NRXN1: variants seen among roughly 807,000 people sequenced by gnomAD.
NRXN1 encodes the protein neurexin 1, also known as neurexin-1.
In NRXN1, 39 loss-of-function variants were observed where a neutral mutation model predicts 150.9. The ratio of observed to expected loss-of-function variants is 0.26; its 90% CI spans 0.20 to 0.34. The LOEUF (loss-of-function observed/expected upper bound fraction) is 0.34. Ranked by LOEUF, NRXN1 falls within the 10% of genes least tolerant of loss-of-function variation. The pLI is 1.00. For synonymous variants in NRXN1, 924 were observed against 757.0 expected, an observed-to-expected ratio of 1.22 and a Z score of -3.62; for missense variants, 1,815 against 1,949.9, an observed-to-expected ratio of 0.93 and a Z score of 1.30.
chr2:50,595,713 G>C (rs1675088919), intron 8 of NRXN1, among the ~76,000 whole-genome samples: 3 of 152,178 alleles, frequency 2.0e-5, no homozygotes, highest in East Asian at 1.9e-4. Context: ...TTCTGCCATA[G>C]AAAGGGAGAA....
In NRXN1 at chr2:50,347,901, C is replaced by G; in HGVS notation, c.3365-110931G>C. 1 of 927,970 alleles carries G rather than the reference C, an allele frequency of 1.1e-6. No individual in the cohort carries two copies. The highest frequency in any genetic ancestry group is 1.3e-6 in the Non-Finnish European group (1 of 777,678). 57.5% of individuals were successfully genotyped at this position (927,970 alleles called of 1,614,324 possible). A position where few individuals can be genotyped will look rare whatever the true frequency, so the allele number is the denominator to read the frequency against. ...CTGGTCTAGCTTCCCACGAAAATCG[C>G]CCTGCTTTGCCTCTCCCTTGCATTC... On this transcript the variant is annotated intron_variant, in intron 17 of 22. Transcript: ENST00000401669. The surrounding 1 kb of genome is among the most constrained non-coding windows in gnomAD (Gnocchi z 4.9).
In NRXN1 at chr2:50,068,028, TAC is replaced by T. The variant is rs1328730163; in HGVS notation, c.3719-12986_3719-12985del. Among the ~76,000 whole-genome samples, 5 of 152,214 alleles carry T rather than the reference TAC, an allele frequency of 3.3e-5. No homozygotes were observed. In the East Asian group the frequency reaches 7.7e-4, roughly 23 times the overall value. On this transcript the variant is annotated intron_variant, in intron 19 of 22. Coordinates refer to ENST00000401669, the MANE Select transcript of NRXN1 (RefSeq NM_001330078.2). Reference sequence around the variant, plus strand: ...GAAAAAAAGATAGGTGAATGTTTCATACACAGTCTGATGTGGCCTATAAATGG... The same window carrying T: ...GAAAAAAAGATAGGTGAATGTTTCATACAGTCTGATGTGGCCTATAAATGG...
chr2:50,194,705 C>T (rs2061649495), intron 18 of NRXN1, among the ~76,000 whole-genome samples: 1 of 152,092 alleles, frequency 6.6e-6, no homozygotes, highest in African/African-American at 2.4e-5. Context: ...GAAATTTAAA[C>T]ATAATTTTTA....
chr2:49,956,283 G>A (rs1276541845), intron 21 of NRXN1, among the ~76,000 whole-genome samples: 1 of 152,146 alleles, frequency 6.6e-6, no homozygotes, highest in Non-Finnish European at 1.5e-5. Context: ...CCAAATGCAA[G>A]GGATTGACAG....
chr2:50,241,257 C>T (rs1370724764), intron 17 of NRXN1, among the ~76,000 whole-genome samples: 1 of 151,062 alleles, frequency 6.6e-6, no homozygotes, highest in Admixed American at 6.6e-5. Context: ...AAAGACCAAA[C>T]TTACCAAAAA....
intron 17 of NRXN1, among the ~76,000 whole-genome samples, chr2:50,304,395 C>G (rs914510617): frequency 5.9e-5 from 9 of 152,074 alleles, no homozygotes; most frequent in Non-Finnish European, 2.9e-5. Flanking sequence ...TAAATGTGAG[C>G]TAAAAATACT....
At chr2:50,169,971 TG>T in intron 18 of NRXN1, among the ~76,000 whole-genome samples, 1 of 152,188 alleles carries the variant, frequency 6.6e-6, no homozygotes, top group South Asian at 2.1e-4. Flanking sequence ...ACTTTGACTT[TG>T]TTCTACAGGT....
At chr2:50,767,896 A>T (rs1702557676) in intron 5 of NRXN1, among the ~76,000 whole-genome samples, 1 of 152,112 alleles carries the variant, frequency 6.6e-6, no homozygotes, top group Non-Finnish European at 1.5e-5. Context: ...TTCATTATAA[A>T]CTTGTCTAAG....
chr2:49,969,385 C>T (rs1337170986), intron 21 of NRXN1, among the ~76,000 whole-genome samples: 1 of 151,940 alleles, frequency 6.6e-6, no homozygotes, highest in African/African-American at 2.4e-5. Flanking sequence ...ACAGTTCATA[C>T]ATGGAAAATT....
chr2:50,993,870 G>A (rs1698898639), intron 2 of NRXN1, among the ~76,000 whole-genome samples: 2 of 151,868 alleles, frequency 1.3e-5, no homozygotes, highest in South Asian at 4.1e-4. Context: ...CTGAAAAGGG[G>A]AACCCAGAGC....
intron 18 of NRXN1, among the ~76,000 whole-genome samples, chr2:50,174,426 T>A (rs1478134736): frequency 6.6e-6 from 1 of 152,156 alleles, no homozygotes; most frequent in Non-Finnish European, 1.5e-5. Flanking sequence ...TATTTATTAA[T>A]ATTACTATTG....
At chr2:50,229,173 G>A (rs192517588) in intron 18 of NRXN1, among the ~76,000 whole-genome samples, 1 of 152,114 alleles carries the variant, frequency 6.6e-6, no homozygotes, top group East Asian at 1.9e-4. Flanking sequence ...CCCATGTCTA[G>A]AGTGGGCCAG....
chr2:50,317,883 T>C (rs1035810700), intron 17 of NRXN1, among the ~76,000 whole-genome samples: 6 of 152,074 alleles, frequency 3.9e-5, no homozygotes, highest in Non-Finnish European at 5.9e-5. Flanking sequence ...CATTAGATGT[T>C]GTAACCTCAG....
At position 50,346,779 on chromosome 2, in the gene NRXN1, G is replaced by C. The variant is rs1558570181; in HGVS notation, c.3365-109809C>G. Reference sequence around the variant, plus strand: ...TGCTGCCATGGAAATGGTGGATGTGGTGCGCTCCCAAACTGGATGCCCCCC... The same window carrying C: ...TGCTGCCATGGAAATGGTGGATGTGCTGCGCTCCCAAACTGGATGCCCCCC... On this transcript the variant is annotated intron_variant, in intron 17 of 22. Transcript: ENST00000401669. The surrounding 1 kb of genome is among the most constrained non-coding windows in gnomAD (Gnocchi z 5.0). 13 of 1,613,772 alleles carry C rather than the reference G, an allele frequency of 8.1e-6. No individual in the cohort carries two copies. The highest frequency in any genetic ancestry group is 1.3e-5 in the African/African-American group (1 of 75,030).
At chr2:50,112,518 G>T (rs1043817041) in intron 18 of NRXN1, among the ~76,000 whole-genome samples, 1 of 152,048 alleles carries the variant, frequency 6.6e-6, no homozygotes, top group Non-Finnish European at 1.5e-5. Context: ...GTGCATTCTC[G>T]CTCTCTCTCA....
rs564299541 is a variant in NRXN1 at position 50,792,755 on chromosome 2, C to T, written c.832+129114G>A. Among the ~76,000 whole-genome samples the T allele has an allele frequency of 3.3e-5, 5 of 151,858 alleles. No homozygotes were observed. The South Asian group carries it at 1.0e-3, about 32-fold the overall frequency. On this transcript the variant is annotated intron_variant, in intron 5 of 22. Coordinates refer to ENST00000401669, the MANE Select transcript of NRXN1 (RefSeq NM_001330078.2). Reference sequence around the variant, plus strand: ...AAATAAGATGATACAAAGAAGGTATCCCATTTAATGAACATGTTAGATACT... The same window carrying T: ...AAATAAGATGATACAAAGAAGGTATTCCATTTAATGAACATGTTAGATACT...
At chr2:50,546,605 T>C (rs777613265) in intron 9 of NRXN1, among the ~76,000 whole-genome samples, 1 of 152,158 alleles carries the variant, frequency 6.6e-6, no homozygotes, top group Non-Finnish European at 1.5e-5. Flanking sequence ...AAGGAAAATG[T>C]ACAAATATAA....
At chr2:50,527,914 G>C (rs1336300396) in intron 12 of NRXN1, among the ~76,000 whole-genome samples, 1 of 152,120 alleles carries the variant, frequency 6.6e-6, no homozygotes, top group Admixed American at 6.6e-5. Flanking sequence ...GAAAAAACCT[G>C]AGCATTTATG....
At chr2:50,953,865 C>T (rs891329035) in intron 2 of NRXN1, among the ~76,000 whole-genome samples, 1 of 152,116 alleles carries the variant, frequency 6.6e-6, no homozygotes, top group East Asian at 1.9e-4. Context: ...CCATTCTCAA[C>T]TGACAAATAT....
Sources: gnomAD v4.1 joint callset for allele counts (sites outside exome capture counted in the v4.1 genomes callset) on GRCh38, gnomAD v4.1.1 for gene constraint, Gnocchi (gnomAD v3.1) non-coding constraint, MANE v1.5 for transcripts, NCBI Gene and HGNC (gene_info 2026-07-23, HGNC 2026-07-21) for gene names.